GUCY2C: variants seen among roughly 807,000 people sequenced by gnomAD.
GUCY2C encodes guanylyl cyclase C.
GUCY2C carries 118 observed loss-of-function variants against 131.1 expected under a neutral mutation model. The observed-to-expected ratio is 0.90, with a 90% confidence interval of 0.78 to 1.05. The LOEUF (loss-of-function observed/expected upper bound fraction) is 1.05. Among genes scored for constraint, GUCY2C ranks in the 50% least tolerant of loss-of-function variants. The pLI, the probability that GUCY2C is intolerant of heterozygous loss-of-function variation, is 0.00. For missense variants in GUCY2C, 1,161 were observed against 1,304.4 expected (o/e 0.89, Z 1.69); for synonymous variants, 452 against 457.8 (o/e 0.99, Z 0.16).
rs1472336249 is a variant in GUCY2C, at chr12:14,686,149, A to G, written c.395+12T>C. 3.3e-6 allele frequency: 5 copies of G among 1,515,320 alleles called. No homozygotes were observed. The highest frequency in any genetic ancestry group is 4.5e-5 in the East Asian group (2 of 44,352). 93.9% of individuals were successfully genotyped at this position (1,515,320 alleles called of 1,614,324 possible). ...TCATGTCCTGACTTCAGTTCACAGT[A>G]GTATTACTTACTACATCTGGAAGGT... is the stretch of plus-strand genomic sequence containing the variant. On this transcript the variant is annotated intron_variant, in intron 3 of 26. Transcript: ENST00000261170.
Position 14,669,710 on chromosome 12 carries a change from G to A in GUCY2C, c.1282+12C>T, listed in dbSNP as rs755055614. On this transcript the variant is annotated intron_variant, in intron 10 of 26. Transcript: ENST00000261170. The stretch of plus-strand genomic sequence containing the variant: ...AGTGTCAGGGAGAGAAAATTCATTA[G>A]GGATATCTTACCCCGGCCTGTAATA... 7.7e-7 allele frequency: 1 copy of A among 1,305,158 alleles called. No individual in the cohort carries two copies. The highest frequency in any genetic ancestry group is 1.2e-5 in the South Asian group (1 of 80,280). 80.8% of individuals were successfully genotyped at this position (1,305,158 alleles called of 1,614,324 possible).
At chr12:14,666,573 A>C (rs1416851210) in intron 10 of GUCY2C, among the ~76,000 whole-genome samples, 1 of 152,118 alleles carries the variant, frequency 6.6e-6, no homozygotes, top group African/African-American at 2.4e-5. Context: ...CGTCTCTACT[A>C]AAAATACAAA....
At chr12:14,645,143 A>C (rs1331652967) in intron 16 of GUCY2C, 86 bp downstream of exon 16, 1 of 735,520 alleles carries the variant, frequency 1.4e-6, no homozygotes, top group African/African-American at 1.8e-5. Flanking sequence ...CAGATGAAGA[A>C]ACCAATGCAC....
At chr12:14,692,820 G>T (rs1281697454) in intron 1 of GUCY2C, among the ~76,000 whole-genome samples, 6 of 152,156 alleles carry the variant, frequency 3.9e-5, no homozygotes. Context: ...TTGCACTCCA[G>T]CCTGGGCAAC....
chr12:14,641,390 C>T (rs999322537), intron 17 of GUCY2C, among the ~76,000 whole-genome samples, 171 bp from the exon 18 acceptor site: 2 of 152,046 alleles, frequency 1.3e-5, no homozygotes, highest in African/African-American at 4.8e-5. Context: ...TTTTGCTAAT[C>T]CTGGTGATCA....
rs1946844485 is a variant in GUCY2C at position 14,619,244 on chromosome 12, T to TA, written c.2841_2842insT (p.Asn948Ter). On this transcript the variant is annotated frameshift_variant, in exon 24 of 27. Coordinates refer to ENST00000261170, the MANE Select transcript of GUCY2C (RefSeq NM_004963.4). LOFTEE classifies it high-confidence loss of function. ...GTGGATTCCATCCTAGAGGCTGTGT[T>TA]GACCGTATCTCCAAATAGACAATAA... 1 of 1,611,680 alleles carries TA rather than the reference T, an allele frequency of 6.2e-7. No individual in the cohort carries two copies. Among genetic ancestry groups the TA allele is most frequent in the African/African-American group, 1.3e-5 (1 of 74,858 alleles).
intron 26 of GUCY2C, chr12:14,614,540 G>A: frequency 4.7e-6 from 1 of 214,454 alleles, no homozygotes; most frequent in South Asian, 1.0e-4. Flanking sequence ...TCCCTCTTGG[G>A]ATAAAGGATC....
intron 7 of GUCY2C, among the ~76,000 whole-genome samples, chr12:14,676,362 G>A (rs1948236007): frequency 6.6e-6 from 1 of 152,076 alleles, no homozygotes; most frequent in Admixed American, 6.6e-5. Flanking sequence ...GGGCAAATTT[G>A]GACAATGGTC....
At chr12:14,639,134 C>G (rs1473834671) in intron 19 of GUCY2C, among the ~76,000 whole-genome samples, 1 of 151,934 alleles carries the variant, frequency 6.6e-6, no homozygotes, top group Non-Finnish European at 1.5e-5. Flanking sequence ...CCCATCTCTA[C>G]TAAAAATACA....
At chr12:14,619,174 A>G (rs758397276) in intron 24 of GUCY2C, 37 bp downstream of exon 24, 1 of 1,236,524 alleles carries the variant, frequency 8.1e-7, no homozygotes, top group Non-Finnish European at 1.2e-6. Context: ...GGAAAACAGC[A>G]TCTTTGTCCT....
intron 10 of GUCY2C, among the ~76,000 whole-genome samples, chr12:14,667,392 C>A (rs1050181155): frequency 6.6e-6 from 1 of 152,180 alleles, no homozygotes; most frequent in Non-Finnish European, 1.5e-5. Flanking sequence ...AAAAAGCAAT[C>A]ATAGCAATAA....
At chr12:14,694,538 A>G (rs1948624588) in intron 1 of GUCY2C, among the ~76,000 whole-genome samples, 1 of 152,198 alleles carries the variant, frequency 6.6e-6, no homozygotes, top group Non-Finnish European at 1.5e-5. Context: ...ACTTTGGGGC[A>G]GGGATCCCAG....
intron 1 of GUCY2C, among the ~76,000 whole-genome samples, chr12:14,691,980 G>A (rs1948582766): frequency 6.6e-6 from 1 of 152,168 alleles, no homozygotes; most frequent in Non-Finnish European, 1.5e-5. Context: ...GGTCTGGAGA[G>A]GTAGATTAAC....
intron 16 of GUCY2C, among the ~76,000 whole-genome samples, chr12:14,644,647 C>T (rs933245747): frequency 1.3e-5 from 2 of 151,860 alleles, no homozygotes; most frequent in African/African-American, 4.8e-5. Flanking sequence ...CCTATCACGT[C>T]TCAAAATATG....
intron 25 of GUCY2C, among the ~76,000 whole-genome samples, chr12:14,616,130 G>A (rs2136969688): frequency 6.6e-6 from 1 of 152,238 alleles, no homozygotes; most frequent in Non-Finnish European, 1.5e-5. Context: ...GCCTGGTAGA[G>A]TGTCCACACA....
intron 25 of GUCY2C, among the ~76,000 whole-genome samples, chr12:14,615,283 G>A (rs1946735840): frequency 6.6e-6 from 1 of 152,028 alleles, no homozygotes; most frequent in Non-Finnish European, 1.5e-5. Flanking sequence ...CTACAATTCT[G>A]CTACGTCAAC....
Position 14,681,381 on chromosome 12 carries a change from T to A in GUCY2C, c.708A>T (p.Leu236Phe). ...LRQDKEFQDI[L>F]MDHNRKSNVI... ...CATTGCTTTTCCTGTTGTGGTCCAT[T>A]AAGATATCCTGAAACTCCTTATCTT... is the stretch of plus-strand genomic sequence containing the variant. Residue 236 changes from leucine (L) to phenylalanine (F), a missense_variant, in exon 5 of 27, where the codon TTA (leucine) becomes TTT (phenylalanine). Physicochemically the swap from Leu to Phe is conservative, Grantham distance 22. Transcript: ENST00000261170. 4 of 1,612,732 alleles carry A rather than the reference T, an allele frequency of 2.5e-6. No individual in the cohort carries two copies. The highest frequency in any genetic ancestry group is 3.4e-6 in the Non-Finnish European group (4 of 1,178,856).
intron 5 of GUCY2C, among the ~76,000 whole-genome samples, chr12:14,680,645 C>G (rs957404230): frequency 2.6e-5 from 4 of 152,242 alleles, no homozygotes; most frequent in African/African-American, 9.6e-5. Context: ...TGCAACAAAT[C>G]CCCTAATATC....
intron 15 of GUCY2C, among the ~76,000 whole-genome samples, chr12:14,646,105 G>A (rs1039864971): frequency 6.6e-6 from 1 of 152,044 alleles, no homozygotes; most frequent in African/African-American, 2.4e-5. Flanking sequence ...CAAAGTGCTG[G>A]GATTACAGGC....
Sources: allele counts gnomAD v4.1 joint callset (sites outside exome capture counted in the v4.1 genomes callset), GRCh38; gene constraint gnomAD v4.1.1; transcripts MANE v1.5; gene names NCBI Gene and HGNC (gene_info 2026-07-23, HGNC 2026-07-21).